The following SH3RF3 variants were observed in gnomAD, a reference collection of about 807,000 sequenced individuals.
SH3RF3 encodes the protein E3 ubiquitin-protein ligase SH3RF3.
SH3RF3 carries 29 observed loss-of-function variants against 66.3 expected under a neutral mutation model. The ratio of observed to expected loss-of-function variants is 0.44; its 90% CI spans 0.33 to 0.60. SH3RF3 has a LOEUF of 0.60. SH3RF3 is among the 20% of genes least tolerant of loss of function. The pLI is 0.04. For synonymous variants in SH3RF3, 583 were observed against 532.0 expected, an observed-to-expected ratio of 1.10 and a Z score of -1.32; for missense variants, 1,194 against 1,190.9, an observed-to-expected ratio of 1.00 and a Z score of -0.04.
chr2:109,341,559 T>G (rs182105799), intron 1 of SH3RF3, among the ~76,000 whole-genome samples: 133 of 152,346 alleles, frequency 8.7e-4, no homozygotes, highest in Non-Finnish European at 1.5e-3. Context: ...TAAGCTGAGC[T>G]GTGAATGAGA....
chr2:109,230,408 C>T (rs149400997), intron 1 of SH3RF3, among the ~76,000 whole-genome samples: 1,517 of 151,640 alleles, frequency 0.01, 11 homozygotes, highest in South Asian at 0.024. Context: ...GAAACCCCAT[C>T]TTTACTAAAA....
chr2:109,153,777 AC>A (rs1238341734), intron 1 of SH3RF3, among the ~76,000 whole-genome samples: 4 of 151,638 alleles, frequency 2.6e-5, no homozygotes, highest in Admixed American at 1.3e-4. Flanking sequence ...CACATTAACC[AC>A]CCCCCGACCC....
intron 1 of SH3RF3, among the ~76,000 whole-genome samples, chr2:109,174,596 C>A (rs1424488177): frequency 6.6e-6 from 1 of 152,130 alleles, no homozygotes; most frequent in Non-Finnish European, 1.5e-5. Flanking sequence ...CTATGGTGTT[C>A]GTATCTAGGT....
intron 6 of SH3RF3, 23 bp downstream of exon 6, chr2:109,432,694 C>G: frequency 6.2e-7 from 1 of 1,602,204 alleles, no homozygotes; most frequent in Non-Finnish European, 8.5e-7. Flanking sequence ...TGGTGGCAGC[C>G]TGGGCAAGGA....
At chr2:109,373,140 G>A (rs528391903) in intron 3 of SH3RF3, among the ~76,000 whole-genome samples, 1 of 152,270 alleles carries the variant, frequency 6.6e-6, no homozygotes, top group East Asian at 1.9e-4. Context: ...ACACTCTCCT[G>A]TAAGATTCAC....
intron 2 of SH3RF3, among the ~76,000 whole-genome samples, chr2:109,354,597 G>A (rs61604917): frequency 0.029 from 4,369 of 152,354 alleles, 152 homozygotes; most frequent in African/African-American, 0.088. Context: ...ATTTCATGCT[G>A]AGCTCCCAAA....
rs2105114786 is a variant in SH3RF3, at chr2:109,212,991, T to C, written c.573+82878T>C. On this transcript the variant is annotated intron_variant, in intron 1 of 9. Coordinates refer to ENST00000309415, the MANE Select transcript of SH3RF3 (RefSeq NM_001099289.3). The stretch of plus-strand genomic sequence containing the variant: ...GCCCACACATCCCAGGGAAGCCCTG[T>C]GCTGAGCGGTGTGCAGGTGTCGGCA... Among the ~76,000 whole-genome samples, 2 of 152,316 alleles carry C rather than the reference T, an allele frequency of 1.3e-5. 1 individual carries two copies. The highest frequency in any genetic ancestry group is 4.1e-4 in the South Asian group (2 of 4,828).
chr2:109,443,179 T>C (rs1322394854), intron 7 of SH3RF3, among the ~76,000 whole-genome samples: 1 of 152,264 alleles, frequency 6.6e-6, no homozygotes, highest in Non-Finnish European at 1.5e-5. Flanking sequence ...TATCATCTTA[T>C]TCTAGTAGAT....
intron 1 of SH3RF3, among the ~76,000 whole-genome samples, chr2:109,174,897 T>C (rs1259754146): frequency 6.6e-6 from 1 of 152,236 alleles, no homozygotes; most frequent in Non-Finnish European, 1.5e-5. Flanking sequence ...GATTCTCTTT[T>C]AGGCTTGTCT....
chr2:109,301,344 G>A (rs1256795139), intron 1 of SH3RF3, among the ~76,000 whole-genome samples: 1 of 132,928 alleles, frequency 7.5e-6, no homozygotes, highest in Non-Finnish European at 1.6e-5. Flanking sequence ...ACGTGTGTGT[G>A]TGTGTGTGTT....
At chr2:109,449,079 G>T in intron 7 of SH3RF3, 91 bp from the exon 8 acceptor site, 1 of 1,439,168 alleles carries the variant, frequency 6.9e-7, no homozygotes, top group Admixed American at 2.1e-5. Context: ...TGCTCGAGAA[G>T]GGAGCCTGAG....
chr2:109,253,091 G>A (rs918916883), intron 1 of SH3RF3, among the ~76,000 whole-genome samples: 5 of 151,832 alleles, frequency 3.3e-5, no homozygotes, highest in African/African-American at 1.2e-4. Context: ...GCAGTGGTGC[G>A]ATCTCAGGTC....
intron 1 of SH3RF3, among the ~76,000 whole-genome samples, chr2:109,258,817 G>A (rs1680284552): frequency 6.6e-6 from 1 of 152,240 alleles, no homozygotes. Flanking sequence ...GGTCAGAGCA[G>A]GACCCATCCA....
At chr2:109,441,756 A>G (rs1677570397) in intron 7 of SH3RF3, among the ~76,000 whole-genome samples, 1 of 152,166 alleles carries the variant, frequency 6.6e-6, no homozygotes, top group Non-Finnish European at 1.5e-5. Context: ...ATCACAATCA[A>G]ACTGTTCAAA....
chr2:109,357,307 G>A (rs151061533), intron 2 of SH3RF3, among the ~76,000 whole-genome samples: 6,818 of 151,682 alleles, frequency 0.045, 506 homozygotes, highest in African/African-American at 0.16. Context: ...TCAGCCTCCC[G>A]AGTAGCTGGG....
At chr2:109,296,125 G>A (rs1166447261) in intron 1 of SH3RF3, among the ~76,000 whole-genome samples, 1 of 152,042 alleles carries the variant, frequency 6.6e-6, no homozygotes, top group African/African-American at 2.4e-5. Context: ...TGTTCTCTAC[G>A]TCTGTGCGCA....
chr2:109,331,294 G>T (rs1278848282), intron 1 of SH3RF3, among the ~76,000 whole-genome samples: 1 of 152,120 alleles, frequency 6.6e-6, no homozygotes, highest in African/African-American at 2.4e-5. Flanking sequence ...TCAGGAATTG[G>T]CCATCAAATG....
At chr2:109,328,853 G>A (rs1286771867) in intron 1 of SH3RF3, among the ~76,000 whole-genome samples, 1 of 152,198 alleles carries the variant, frequency 6.6e-6, no homozygotes, top group Non-Finnish European at 1.5e-5. Context: ...GAATGTCTGA[G>A]TGTCAAATAT....
At chr2:109,478,676 T>C (rs2104754909) in intron 8 of SH3RF3, among the ~76,000 whole-genome samples, 1 of 152,288 alleles carries the variant, frequency 6.6e-6, no homozygotes, top group African/African-American at 2.4e-5. Flanking sequence ...TTATCAAAAA[T>C]ACGGTGTGGT....
Sources: gnomAD v4.1 joint callset for allele counts (sites outside exome capture counted in the v4.1 genomes callset) on GRCh38, gnomAD v4.1.1 for gene constraint, MANE v1.5 for transcripts, NCBI Gene and HGNC (gene_info 2026-07-23, HGNC 2026-07-21) for gene names.